LRRIQ3: variants seen among roughly 807,000 people sequenced by gnomAD.
The protein encoded by LRRIQ3 is leucine-rich repeat and IQ domain-containing protein 3.
A neutral mutation model predicts 59.3 loss-of-function variants in LRRIQ3; 75 were observed. The observed-to-expected ratio is 1.26, with a 90% confidence interval of 1.05 to 1.53. The LOEUF is 1.53. LRRIQ3 is among the 40% of genes most tolerant of loss of function. The probability of loss-of-function intolerance (pLI) is 0.00; values close to 1 mark genes in which losing one functional copy is unlikely to be tolerated. For synonymous variants in LRRIQ3, 250 were observed against 231.3 expected, an observed-to-expected ratio of 1.08 and a Z score of -0.73; for missense variants, 831 against 710.0, an observed-to-expected ratio of 1.17 and a Z score of -1.94.
chr1:74,160,110 A>T (rs571523534), intron 3 of LRRIQ3, among the ~76,000 whole-genome samples: 94 of 152,188 alleles, frequency 6.2e-4, no homozygotes, highest in African/African-American at 2.2e-3. Context: ...TTTCCCCAAG[A>T]TCTTGCAAGA....
chr1:74,113,321 CA>C (rs1646729481), intron 4 of LRRIQ3, among the ~76,000 whole-genome samples: 1 of 151,338 alleles, frequency 6.6e-6, no homozygotes. Context: ...AATGGGAGTA[CA>C]AGAAAATAAT....
intron 1 of LRRIQ3, among the ~76,000 whole-genome samples, chr1:74,188,242 G>C (rs747059595): frequency 3.3e-5 from 5 of 151,968 alleles, no homozygotes; most frequent in African/African-American, 9.7e-5. Context: ...ACATAAAGGG[G>C]AACAACACAC....
At chr1:74,182,444 T>C (rs985233309) in intron 3 of LRRIQ3, 94 bp downstream of exon 3, 8 of 636,240 alleles carry the variant, frequency 1.3e-5, no homozygotes, top group Admixed American at 3.8e-5. Context: ...TGCAAAAATA[T>C]TAAAAAGTTT....
chr1:74,101,558 G>A (rs540924084), intron 5 of LRRIQ3, among the ~76,000 whole-genome samples: 2 of 152,156 alleles, frequency 1.3e-5, no homozygotes, highest in East Asian at 3.9e-4. Flanking sequence ...CCCATTACTG[G>A]GTATATACCC....
At chr1:74,166,446 C>T (rs1407989050) in intron 3 of LRRIQ3, among the ~76,000 whole-genome samples, 3 of 151,786 alleles carry the variant, frequency 2.0e-5, no homozygotes, top group Non-Finnish European at 4.4e-5. Context: ...TTTCCTTTGT[C>T]AGTCTTGACA....
chr1:74,153,615 T>C (rs542126273), intron 4 of LRRIQ3, among the ~76,000 whole-genome samples: 33 of 152,322 alleles, frequency 2.2e-4, no homozygotes, highest in African/African-American at 7.9e-4. Context: ...CTGTTACATA[T>C]TAAAGATACA....
At chr1:74,174,725 T>C (rs1486871661) in intron 3 of LRRIQ3, among the ~76,000 whole-genome samples, 1 of 152,054 alleles carries the variant, frequency 6.6e-6, no homozygotes, top group African/African-American at 2.4e-5. Context: ...GTTTTCTATT[T>C]CTTGTTGGTT....
At chr1:74,172,597 C>A (rs947911214) in intron 3 of LRRIQ3, among the ~76,000 whole-genome samples, 1 of 151,848 alleles carries the variant, frequency 6.6e-6, no homozygotes, top group African/African-American at 2.4e-5. Flanking sequence ...TATATTTGGC[C>A]CCCAGTGTTA....
chr1:74,163,684 G>C (rs1157332640), intron 3 of LRRIQ3, among the ~76,000 whole-genome samples: 1 of 151,464 alleles, frequency 6.6e-6, no homozygotes, highest in East Asian at 1.9e-4. Context: ...GTATTTTCCA[G>C]TTCGGGGCCA....
chr1:74,060,116 G>A (rs1033905060), intron 6 of LRRIQ3, among the ~76,000 whole-genome samples: 5 of 151,770 alleles, frequency 3.3e-5, no homozygotes, highest in African/African-American at 7.3e-5. Context: ...TTGTGGTAAT[G>A]TCCCCTGTTT....
chr1:74,169,326 A>T (rs1402035959), intron 3 of LRRIQ3, among the ~76,000 whole-genome samples: 1 of 152,058 alleles, frequency 6.6e-6, no homozygotes, highest in East Asian at 1.9e-4. Flanking sequence ...CTCTCCGTGA[A>T]CGTGCAGGCT....
Position 74,109,447 on chromosome 1 carries a change from G to A in LRRIQ3, c.814C>T (p.Leu272Phe). 1 of 1,568,074 alleles carries A rather than the reference G, an allele frequency of 6.4e-7. No homozygotes were observed. Among genetic ancestry groups the A allele is most frequent in the Non-Finnish European group, 8.6e-7 (1 of 1,157,794 alleles). ...ATATTAGTTTCAGGTTTGAAAAAGA[G>A]ATCCTTAAGGAGCTTATCTTCATAC... The part of the protein sequence containing the change: ...KGYEDKLLKD[L>F]FFKPETNIKG... Residue 272 changes from leucine to phenylalanine, a missense_variant, in exon 5 of 8, where the codon CTC becomes TTC. Physicochemically the swap from Leu to Phe is conservative, Grantham distance 22. Coordinates refer to ENST00000354431, the MANE Select transcript of LRRIQ3 (RefSeq NM_001105659.2).
At chr1:74,073,441 G>A (rs1655081543) in intron 6 of LRRIQ3, among the ~76,000 whole-genome samples, 1 of 151,870 alleles carries the variant, frequency 6.6e-6, no homozygotes, top group South Asian at 2.1e-4. Flanking sequence ...ATCCTGGGGG[G>A]TCGAGGGTGC....
chr1:74,062,612 A>T (rs1654751359), intron 6 of LRRIQ3, among the ~76,000 whole-genome samples: 1 of 152,184 alleles, frequency 6.6e-6, no homozygotes, highest in Admixed American at 6.6e-5. Flanking sequence ...TAGACTAGAT[A>T]AAGAAAATGT....
intron 6 of LRRIQ3, among the ~76,000 whole-genome samples, chr1:74,058,943 A>G (rs1385472332): frequency 5.3e-5 from 8 of 151,964 alleles, no homozygotes; most frequent in African/African-American, 9.7e-5. Flanking sequence ...AAAGTTTCCA[A>G]TTTCTCCTTA....
At chr1:74,046,140 G>A (rs1387791591) in intron 6 of LRRIQ3, among the ~76,000 whole-genome samples, 1 of 152,118 alleles carries the variant, frequency 6.6e-6, no homozygotes, top group Admixed American at 6.6e-5. Flanking sequence ...AAAAGAGCCT[G>A]CATAGCCAAG....
chr1:74,162,751 T>C (rs914724201), intron 3 of LRRIQ3, among the ~76,000 whole-genome samples: 1 of 151,748 alleles, frequency 6.6e-6, no homozygotes, highest in African/African-American at 2.4e-5. Context: ...ATAAAGTTTA[T>C]CTTTTTCTAT....
chr1:74,035,649 T>C (rs1021411455), intron 7 of LRRIQ3, among the ~76,000 whole-genome samples: 5 of 152,146 alleles, frequency 3.3e-5, no homozygotes, highest in African/African-American at 1.2e-4. Flanking sequence ...TATGGTAAAA[T>C]ACATGTGTAA....
intron 7 of LRRIQ3, 139 bp from the exon 8 acceptor site, chr1:74,027,108 A>G (rs200447316): frequency 4.1e-5 from 22 of 541,162 alleles, no homozygotes; most frequent in East Asian, 3.1e-4. Flanking sequence ...CTCCATTTAT[A>G]TAACTTGGTT....
Sources: gnomAD v4.1 joint callset for allele counts (sites outside exome capture counted in the v4.1 genomes callset) on GRCh38, gnomAD v4.1.1 for gene constraint, MANE v1.5 for transcripts, NCBI Gene and HGNC (gene_info 2026-07-23, HGNC 2026-07-21) for gene names.